Variants in CDS1 observed in about 807,000 individuals in gnomAD.
CDS1 encodes the protein CDP-diacylglycerol synthase 1, also known as phosphatidate cytidylyltransferase 1.
Under a neutral mutation model 62.1 loss-of-function variants are expected in CDS1, and 41 were observed. The ratio of observed to expected loss-of-function variants is 0.66; its 90% CI spans 0.51 to 0.86. The LOEUF is 0.86. Among genes scored for constraint, CDS1 ranks in the 40% least tolerant of loss-of-function variants. The pLI, the probability that CDS1 is intolerant of heterozygous loss-of-function variation, is 0.00. For synonymous variants in CDS1, 185 were observed against 192.6 expected (o/e 0.96, Z 0.32); for missense variants, 470 against 550.1 (o/e 0.85, Z 1.46).
chr4:84,625,219 TTTC>T (rs1256320598), intron 5 of CDS1, among the ~76,000 whole-genome samples: 1 of 152,172 alleles, frequency 6.6e-6, no homozygotes, highest in Non-Finnish European at 1.5e-5. Context: ...TGTTTTACCA[TTTC>T]TTATTTTACA....
intron 9 of CDS1, among the ~76,000 whole-genome samples, chr4:84,640,165 A>G (rs1411701730): frequency 1.4e-5 from 2 of 147,940 alleles, no homozygotes; most frequent in East Asian, 3.9e-4. Flanking sequence ...TAATATATAT[A>G]ATATATATTT....
chr4:84,613,071 C>T (rs1246162306), intron 3 of CDS1, among the ~76,000 whole-genome samples: 1 of 150,198 alleles, frequency 6.7e-6, no homozygotes, highest in Non-Finnish European at 1.5e-5. Flanking sequence ...TTATTACATA[C>T]ACATACATGC....
intron 1 of CDS1, among the ~76,000 whole-genome samples, chr4:84,597,923 G>A (rs942091553): frequency 1.3e-5 from 2 of 151,938 alleles, no homozygotes; most frequent in South Asian, 4.2e-4. Flanking sequence ...TCAGGAGATC[G>A]AGACCATCCT....
intron 5 of CDS1, among the ~76,000 whole-genome samples, chr4:84,628,448 C>T (rs1723922510): frequency 6.6e-6 from 1 of 152,082 alleles, no homozygotes; most frequent in African/African-American, 2.4e-5. Flanking sequence ...CCCTCTGTCT[C>T]ATCTATTGGG....
chr4:84,638,297 G>A (rs1052554036), intron 8 of CDS1, among the ~76,000 whole-genome samples: 8 of 152,144 alleles, frequency 5.3e-5, no homozygotes, highest in Admixed American at 3.9e-4. Flanking sequence ...TTGAAGTGCA[G>A]CATGTTCCTT....
At chr4:84,614,162 AGCTATTCGAGAG>A (rs1723417157) in intron 3 of CDS1, among the ~76,000 whole-genome samples, 1 of 152,166 alleles carries the variant, frequency 6.6e-6, no homozygotes, top group South Asian at 2.1e-4. Context: ...CTGTAGTCTC[AGCTATTCGAGAG>A]GCTGAGGCAG....
chr4:84,640,193 CTG>C (rs889721510), intron 9 of CDS1, among the ~76,000 whole-genome samples: 2 of 147,398 alleles, frequency 1.4e-5, no homozygotes, highest in Admixed American at 6.8e-5. Context: ...ATAAAATAAA[CTG>C]GTTGTTTGGA....
At chr4:84,629,083 G>A (rs1267978641) in intron 5 of CDS1, among the ~76,000 whole-genome samples, 2 of 152,118 alleles carry the variant, frequency 1.3e-5, no homozygotes, top group South Asian at 2.1e-4. Flanking sequence ...TTTAGAAATA[G>A]TTATACAAGC....
At chr4:84,632,158 A>C (rs2148655276) in intron 6 of CDS1, among the ~76,000 whole-genome samples, 1 of 152,292 alleles carries the variant, frequency 6.6e-6, no homozygotes, top group South Asian at 2.1e-4. Flanking sequence ...AATTTGTAGA[A>C]ATTTGAAGAA....
At chr4:84,596,986 A>G (rs185247951) in intron 1 of CDS1, among the ~76,000 whole-genome samples, 1 of 152,288 alleles carries the variant, frequency 6.6e-6, no homozygotes, top group East Asian at 1.9e-4. Flanking sequence ...GCTGGAGAGT[A>G]AGAGGAGGCT....
At chr4:84,609,180 CAAAA>C (rs1230335142) in intron 2 of CDS1, among the ~76,000 whole-genome samples, 2 of 91,472 alleles carry the variant, frequency 2.2e-5, no homozygotes, top group African/African-American at 5.3e-5. Context: ...GACTCCGTCT[CAAAA>C]AAAAAAAAAA....
rs369508174 is a variant in CDS1, at chr4:84,598,074, C to T, written c.118-6169C>T. Among the ~76,000 whole-genome samples, 787 of 149,038 alleles carry T rather than the reference C, an allele frequency of 5.3e-3. 8 individuals are homozygous for T. Among genetic ancestry groups the T allele is most frequent in the African/African-American group, 0.018 (743 of 40,428 alleles). Reference sequence around the variant, plus strand: ...CCGGGAGGCAGAGATTGCAGTGAGCCGAGATCGTGCCACTGCACTCCAGCC... The same window carrying T: ...CCGGGAGGCAGAGATTGCAGTGAGCTGAGATCGTGCCACTGCACTCCAGCC... On this transcript the variant is annotated intron_variant, in intron 1 of 12. Coordinates refer to ENST00000295887, the MANE Select transcript of CDS1 (RefSeq NM_001263.4).
intron 8 of CDS1, among the ~76,000 whole-genome samples, chr4:84,635,646 CCTTCCTTCCTT>C: frequency 2.7e-5 from 3 of 113,154 alleles, no homozygotes; most frequent in African/African-American, 1.1e-4. Context: ...TTCCTTCCTT[CCTTCCTTCCTT>C]CCTTCCTTCC....
intron 3 of CDS1, among the ~76,000 whole-genome samples, chr4:84,616,385 T>C (rs1723495017): frequency 6.6e-6 from 1 of 152,114 alleles, no homozygotes; most frequent in African/African-American, 2.4e-5. Flanking sequence ...TGGGAAAAAA[T>C]AACTTAAAAA....
At chr4:84,586,742 G>A (rs112861567) in intron 1 of CDS1, among the ~76,000 whole-genome samples, 6,058 of 152,230 alleles carry the variant, frequency 0.04, 136 homozygotes, top group South Asian at 0.055. Context: ...GAGATAGAAC[G>A]TGGAGTTTAG....
At chr4:84,586,037 G>A (rs556650027) in intron 1 of CDS1, among the ~76,000 whole-genome samples, 8 of 152,274 alleles carry the variant, frequency 5.3e-5, no homozygotes, top group South Asian at 4.1e-4. Flanking sequence ...AAGGGTTTGG[G>A]TAGGGTGTTC....
chr4:84,619,536 A>G lies in CDS1; in HGVS notation c.580+3A>G. The stretch of plus-strand genomic sequence containing the variant: ...ATCATTTGCCCTCTATCTGGCAGGT[A>G]AGTTAAGGAATATTCTGTATTGATA... On this transcript the variant is annotated splice_donor_region_variant and intron_variant, in intron 5 of 12. Coordinates refer to ENST00000295887, the MANE Select transcript of CDS1 (RefSeq NM_001263.4). 1 of 1,559,552 alleles carries G rather than the reference A, an allele frequency of 6.4e-7. No homozygotes were observed. The highest frequency in any genetic ancestry group is 2.3e-5 in the East Asian group (1 of 44,186).
At chr4:84,629,658 A>G (rs1490960323) in intron 5 of CDS1, among the ~76,000 whole-genome samples, 1 of 152,182 alleles carries the variant, frequency 6.6e-6, no homozygotes, top group Non-Finnish European at 1.5e-5. Context: ...AGCCTCAGCT[A>G]TGCTAGGAAA....
In CDS1 at chr4:84,588,875, A is replaced by G. The variant is rs931764091; in HGVS notation, c.117+5357A>G. 2.6e-5 allele frequency among the ~76,000 whole-genome samples: 4 copies of G among 152,210 alleles called. No individual in the cohort carries two copies. The East Asian group carries it at 7.7e-4, about 29-fold the overall frequency. ...TTTACATGTAATCACAACAAAATTCAGTCCCCTCTCATAATCCTAAACTTG... is the reference window on the plus strand; with the variant it reads ...TTTACATGTAATCACAACAAAATTCGGTCCCCTCTCATAATCCTAAACTTG... On this transcript the variant is annotated intron_variant, in intron 1 of 12. Transcript: ENST00000295887.
Sources: allele counts gnomAD v4.1 joint callset (sites outside exome capture counted in the v4.1 genomes callset), GRCh38; gene constraint gnomAD v4.1.1; transcripts MANE v1.5; gene names NCBI Gene and HGNC (gene_info 2026-07-23, HGNC 2026-07-21).